FSHR: variants seen among roughly 807,000 people sequenced by gnomAD.
FSHR encodes follicle-stimulating hormone receptor.
A neutral mutation model predicts 52.1 loss-of-function variants in FSHR; 46 were observed. The observed-to-expected ratio is 0.88, with a 90% CI of 0.70 to 1.13. The LOEUF (loss-of-function observed/expected upper bound fraction) is 1.13. FSHR is among the 50% of genes most tolerant of loss of function. FSHR has a pLI of 0.00. For missense variants in FSHR, 964 were observed against 834.6 expected (o/e 1.16, Z -1.91); for synonymous variants, 399 against 309.6 (o/e 1.29, Z -3.03).
intron 2 of FSHR, among the ~76,000 whole-genome samples, chr2:49,037,205 C>T (rs1246374957): frequency 6.6e-6 from 1 of 152,222 alleles, no homozygotes; most frequent in Non-Finnish European, 1.5e-5. Context: ...ATATTTATAA[C>T]ATGAGGCCAA....
intron 5 of FSHR, among the ~76,000 whole-genome samples, chr2:48,989,782 T>C (rs2104098386): frequency 6.6e-6 from 1 of 152,234 alleles, no homozygotes; most frequent in East Asian, 1.9e-4. Context: ...TTTCTTTTCC[T>C]GAATGAAAGG....
rs369191560 is a variant in FSHR at position 48,982,976 on chromosome 2, C to A, written c.604G>T (p.Asp202Tyr). ...GGCAATTCTTCTAAATTATTATTATCGCTTAGATTCCTGGGGATGGGGTTG... is the reference window on the plus strand; with the variant it reads ...GGCAATTCTTCTAAATTATTATTATAGCTTAGATTCCTGGGGATGGGGTTG... ...GTQLDELNLS[D>Y]NNNLEELPND... The change falls in exon 8 of 10, where the codon GAT (aspartate) becomes TAT (tyrosine). Residue 202 changes from aspartate (D) to tyrosine (Y), a missense_variant. Physicochemically the swap from Asp to Tyr is radical, Grantham distance 160. Transcript: ENST00000406846. The A allele has an allele frequency of 3.1e-6, 5 of 1,613,750 alleles. No individual in the cohort carries two copies. The highest frequency in any genetic ancestry group is 4.2e-6 in the Non-Finnish European group (5 of 1,179,804).
At chr2:48,984,338 A>T (rs1189101013) in intron 6 of FSHR, among the ~76,000 whole-genome samples, 1 of 152,216 alleles carries the variant, frequency 6.6e-6, no homozygotes, top group Non-Finnish European at 1.5e-5. Flanking sequence ...AGCCTCTCCC[A>T]GGCACATCTG....
chr2:49,021,882 TATATAGAGAG>T (rs1435772679), intron 2 of FSHR, among the ~76,000 whole-genome samples: 7 of 43,920 alleles, frequency 1.6e-4, no homozygotes, highest in African/African-American at 5.6e-4. Context: ...TATATATATA[TATATAGAGAG>T]AGAGAGAGAG....
At chr2:49,056,107 C>T (rs1294644387) in intron 2 of FSHR, among the ~76,000 whole-genome samples, 1 of 151,866 alleles carries the variant, frequency 6.6e-6, no homozygotes, top group Non-Finnish European at 1.5e-5. Flanking sequence ...AAGCAGATAA[C>T]AATTAATTGC....
intron 4 of FSHR, among the ~76,000 whole-genome samples, chr2:49,008,587 C>T (rs1160937268): frequency 6.7e-6 from 1 of 149,096 alleles, no homozygotes; most frequent in African/African-American, 2.5e-5. Context: ...TTCTAGATCC[C>T]TGAGGAATCG....
intron 4 of FSHR, among the ~76,000 whole-genome samples, chr2:49,007,413 G>T (rs1311541086): frequency 6.6e-6 from 1 of 152,114 alleles, no homozygotes; most frequent in Non-Finnish European, 1.5e-5. Context: ...AAAATGGGAA[G>T]CATTATTCAA....
intron 1 of FSHR, 116 bp downstream of exon 1, chr2:49,154,150 G>C (rs1228158427): frequency 1.7e-6 from 2 of 1,144,806 alleles, no homozygotes; most frequent in South Asian, 1.3e-5. Context: ...TCAGGACTTC[G>C]GTCAAGGGGC....
intron 2 of FSHR, among the ~76,000 whole-genome samples, chr2:49,021,872 TATATATATATATATAGAGAGAGAGAG>T (rs1667723779): frequency 1.9e-5 from 1 of 53,292 alleles, no homozygotes; most frequent in East Asian, 1.2e-3. Context: ...TCTATATATA[TATATATATATATATAGAGAGAGAGAG>T]AGAGAGAGAG....
intron 2 of FSHR, among the ~76,000 whole-genome samples, chr2:49,031,535 T>C (rs997200069): frequency 6.6e-6 from 1 of 152,218 alleles, no homozygotes; most frequent in Non-Finnish European, 1.5e-5. Context: ...TAATTAATAA[T>C]GGAACTGATC....
chr2:48,995,690 C>T (rs530632399), intron 4 of FSHR, among the ~76,000 whole-genome samples: 1 of 152,076 alleles, frequency 6.6e-6, no homozygotes, highest in Non-Finnish European at 1.5e-5. Flanking sequence ...CATGTTTTCA[C>T]CAGCCCATCA....
chr2:49,117,176 A>T (rs1355037259), intron 1 of FSHR, among the ~76,000 whole-genome samples: 19 of 152,198 alleles, frequency 1.2e-4, no homozygotes, highest in African/African-American at 4.6e-4. Flanking sequence ...TACAAAACAA[A>T]TCACTGAGGA....
At chr2:49,091,647 A>G (rs1361492774) in intron 1 of FSHR, among the ~76,000 whole-genome samples, 2 of 152,224 alleles carry the variant, frequency 1.3e-5, no homozygotes, top group Non-Finnish European at 2.9e-5. Flanking sequence ...GTTTAAAAAT[A>G]CTATCCTTTT....
chr2:49,091,021 T>G (rs1200724107), intron 1 of FSHR, among the ~76,000 whole-genome samples: 2 of 152,104 alleles, frequency 1.3e-5, no homozygotes, highest in Non-Finnish European at 2.9e-5. Context: ...AAGTCCTTTT[T>G]TAGACATAGG....
chr2:48,966,403 G>A (rs1674479233), intron 9 of FSHR, among the ~76,000 whole-genome samples: 1 of 152,128 alleles, frequency 6.6e-6, no homozygotes, highest in Admixed American at 6.5e-5. Context: ...TGAGAGCAAA[G>A]TAATGCAAAA....
In FSHR at chr2:49,055,934, A is replaced by G. The variant is rs548402334; in HGVS notation, c.224+12285T>C. On this transcript the variant is annotated intron_variant, in intron 2 of 9. Coordinates refer to ENST00000406846, the MANE Select transcript of FSHR (RefSeq NM_000145.4). ...GAGTATTACATCTGGAAGTAAAAAG[A>G]CTGAAACCAACATCATGACAACATG... Among the ~76,000 whole-genome samples, 284 of 152,232 alleles carry G rather than the reference A, an allele frequency of 1.9e-3. 1 individual carries two copies. The highest frequency in any genetic ancestry group is 6.5e-3 in the African/African-American group (272 of 41,558).
intron 2 of FSHR, among the ~76,000 whole-genome samples, chr2:49,021,545 G>A (rs1572644231): frequency 1.4e-5 from 2 of 143,126 alleles, no homozygotes; most frequent in South Asian, 4.7e-4. Flanking sequence ...AAGGCCTGGA[G>A]GGGAGGGAAA....
At chr2:49,024,420 C>A (rs1489019494) in intron 2 of FSHR, among the ~76,000 whole-genome samples, 6 of 152,078 alleles carry the variant, frequency 3.9e-5, no homozygotes, top group East Asian at 1.9e-4. Flanking sequence ...ACTAAAAATA[C>A]AAAATTAGTC....
intron 1 of FSHR, among the ~76,000 whole-genome samples, chr2:49,104,130 A>C (rs1156374353): frequency 6.6e-6 from 1 of 152,138 alleles, no homozygotes; most frequent in African/African-American, 2.4e-5. Context: ...CTGGAGGAAG[A>C]TTAGAGTAGA....
Sources: allele counts gnomAD v4.1 joint callset (sites outside exome capture counted in the v4.1 genomes callset), GRCh38; gene constraint gnomAD v4.1.1; transcripts MANE v1.5; gene names NCBI Gene and HGNC (gene_info 2026-07-23, HGNC 2026-07-21).